The following KAZN variants were observed in gnomAD, a reference collection of about 807,000 sequenced individuals.
KAZN encodes the protein kazrin, periplakin interacting protein.
A neutral mutation model predicts 87.4 loss-of-function variants in KAZN; 40 were observed. That is an observed-to-expected ratio of 0.46 (90% CI 0.36 to 0.60). The LOEUF is 0.60. Among genes scored for constraint, KAZN ranks in the 20% least tolerant of loss-of-function variants. KAZN has a pLI of 0.00. For missense variants in KAZN, 898 were observed against 1,073.9 expected (o/e 0.84, Z 2.29); for synonymous variants, 466 against 458.3 (o/e 1.02, Z -0.22).
At chr1:14,189,584 T>G (rs1301739639) in intron 2 of KAZN, among the ~76,000 whole-genome samples, 1 of 152,136 alleles carries the variant, frequency 6.6e-6, no homozygotes, top group Non-Finnish European at 1.5e-5. Flanking sequence ...TGTCCTCAGC[T>G]GCAATGACTC....
At chr1:15,112,364 T>C in intron 13 of KAZN, 63 bp from the exon 14 acceptor site, 1 of 601,632 alleles carries the variant, frequency 1.7e-6, no homozygotes. Flanking sequence ...TGTGTGTGTG[T>C]GTGTGTGTGT....
chr1:14,912,637 T>C (rs1657375954), intron 1 of KAZN, among the ~76,000 whole-genome samples: 1 of 152,158 alleles, frequency 6.6e-6, no homozygotes, highest in Admixed American at 6.5e-5. Context: ...TGCCTTGGCC[T>C]CCCAAAGTGC....
Position 14,391,909 on chromosome 1 carries a change from C to T in KAZN, c.250-207074C>T, listed in dbSNP as rs547875287. On this transcript the variant is annotated intron_variant, in intron 2 of 16. Coordinates refer to the KAZN transcript ENST00000636203. Reference sequence around the variant, plus strand: ...CCTCACAATGTCAACCCTGGACACACACTAGTAGATATGGGATGACCGTAC... The same window carrying T: ...CCTCACAATGTCAACCCTGGACACATACTAGTAGATATGGGATGACCGTAC... Among the ~76,000 whole-genome samples, 10 of 152,284 alleles carry T rather than the reference C, an allele frequency of 6.6e-5. No individual in the cohort carries two copies. In the East Asian group the frequency reaches 1.9e-3, roughly 29 times the overall value.
chr1:14,742,552 C>T (rs1016536850), intron 1 of KAZN, among the ~76,000 whole-genome samples: 7 of 152,182 alleles, frequency 4.6e-5, no homozygotes, highest in East Asian at 1.9e-4. Flanking sequence ...TAACCAATCT[C>T]GCCTCTCTGT....
chr1:15,107,060 G>C (rs1028921696), intron 13 of KAZN, among the ~76,000 whole-genome samples: 6 of 152,198 alleles, frequency 3.9e-5, no homozygotes, highest in Non-Finnish European at 8.8e-5. Flanking sequence ...ACTGGAACCA[G>C]AGCAGGACTG....
intron 1 of KAZN, among the ~76,000 whole-genome samples, chr1:14,707,964 G>A (rs1003402045): frequency 4.6e-5 from 7 of 151,906 alleles, no homozygotes; most frequent in African/African-American, 1.7e-4. Context: ...TGAATCACCC[G>A]GCCAAGCATT....
At chr1:13,906,198 C>T (rs1199595690) in intron 1 of KAZN, among the ~76,000 whole-genome samples, 1 of 152,166 alleles carries the variant, frequency 6.6e-6, no homozygotes, top group Non-Finnish European at 1.5e-5. Flanking sequence ...TTGCAGGGGG[C>T]ATTTTCAGCC....
chr1:14,341,269 T>C (rs570430197), intron 2 of KAZN, among the ~76,000 whole-genome samples: 1 of 152,260 alleles, frequency 6.6e-6, no homozygotes, highest in African/African-American at 2.4e-5. Flanking sequence ...ATCTGTAAAA[T>C]GGGGAAATGA....
At chr1:14,015,357 A>T (rs1051494278) in intron 1 of KAZN, among the ~76,000 whole-genome samples, 3 of 150,690 alleles carry the variant, frequency 2.0e-5, no homozygotes, top group Non-Finnish European at 4.4e-5. Context: ...TCCTGGAAAG[A>T]TGACCCACAT....
chr1:14,732,760 C>T (rs2100372515), intron 1 of KAZN, among the ~76,000 whole-genome samples: 1 of 152,180 alleles, frequency 6.6e-6, no homozygotes, highest in East Asian at 1.9e-4. Context: ...TTGGCCCTAC[C>T]TATTTAGTAA....
At chr1:14,571,090 G>A (rs753864861) in intron 2 of KAZN, among the ~76,000 whole-genome samples, 2 of 152,072 alleles carry the variant, frequency 1.3e-5, no homozygotes, top group African/African-American at 4.8e-5. Context: ...CTCCTCTGCC[G>A]CCCATGCCCT....
intron 1 of KAZN, among the ~76,000 whole-genome samples, chr1:14,771,055 C>T (rs1292151921): frequency 6.6e-6 from 1 of 152,188 alleles, no homozygotes; most frequent in African/African-American, 2.4e-5. Flanking sequence ...TCTTACCCTT[C>T]CCGCCATCCC....
chr1:14,434,971 C>T (rs1012493877), intron 2 of KAZN, among the ~76,000 whole-genome samples: 3 of 152,116 alleles, frequency 2.0e-5, no homozygotes, highest in Admixed American at 6.5e-5. Flanking sequence ...TATCCTGAGA[C>T]GCAGGTGTGT....
chr1:15,031,132 A>G (rs1197774613), intron 2 of KAZN, among the ~76,000 whole-genome samples: 2 of 152,228 alleles, frequency 1.3e-5, no homozygotes. Flanking sequence ...GCCCTCAGCT[A>G]GCCTTGGGGC....
chr1:14,906,776 GA>G (rs981067924), intron 1 of KAZN, among the ~76,000 whole-genome samples: 5 of 149,704 alleles, frequency 3.3e-5, no homozygotes, highest in African/African-American at 7.4e-5. Context: ...GGAGGTGGGG[GA>G]AAAAAACCAC....
intron 1 of KAZN, among the ~76,000 whole-genome samples, chr1:13,936,772 G>A (rs1045316154): frequency 2.0e-5 from 3 of 152,252 alleles, no homozygotes; most frequent in Non-Finnish European, 2.9e-5. Context: ...AGGTTATGTC[G>A]ATTTCATGAC....
chr1:14,986,002 C>CAA (rs56725513), intron 2 of KAZN, among the ~76,000 whole-genome samples: 1,772 of 56,008 alleles, frequency 0.032, 74 homozygotes, highest in African/African-American at 0.083. Flanking sequence ...GACTCTGTCT[C>CAA]AAAAAAAAAA....
chr1:14,659,847 G>A (rs1300051929), intron 1 of KAZN, among the ~76,000 whole-genome samples: 2 of 150,134 alleles, frequency 1.3e-5, no homozygotes, highest in African/African-American at 2.5e-5. Context: ...CTGAATGCCA[G>A]CCCCCAGCAA....
intron 1 of KAZN, among the ~76,000 whole-genome samples, chr1:13,944,279 A>G (rs1421161897): frequency 6.6e-6 from 1 of 152,230 alleles, no homozygotes; most frequent in Non-Finnish European, 1.5e-5. Flanking sequence ...CAAGAGACCA[A>G]CCACACACTG....
Sources: gnomAD v4.1 joint callset for allele counts (sites outside exome capture counted in the v4.1 genomes callset) on GRCh38, gnomAD v4.1.1 for gene constraint, MANE v1.5 for transcripts, NCBI Gene and HGNC (gene_info 2026-07-23, HGNC 2026-07-21) for gene names.